The following HOOK3 variants were observed in gnomAD, a reference collection of about 807,000 sequenced individuals.
HOOK3 encodes the protein protein Hook homolog 3.
HOOK3 carries 24 observed loss-of-function variants against 116.3 expected under a neutral mutation model. That is an observed-to-expected ratio of 0.21 (90% CI 0.15 to 0.29). The LOEUF is 0.29. HOOK3 is among the 10% of genes least tolerant of loss of function. The pLI is 1.00. For synonymous variants in HOOK3, 275 were observed against 283.0 expected (o/e 0.97, Z 0.28); for missense variants, 632 against 830.2 (o/e 0.76, Z 2.93).
rs76343845 is a variant in HOOK3, at chr8:43,012,996, G to A, written c.1840-55G>A. ...AAAAATAGTCATTCTTTTCTTAAAC[G>A]TTACATTCTTTAAGTTTGAGACTTT... is the stretch of plus-strand genomic sequence containing the variant. On this transcript the variant is annotated intron_variant, in intron 19 of 21. Transcript: ENST00000307602. 3.9e-3 allele frequency: 4,027 copies of A among 1,026,534 alleles called. 13 individuals are homozygous for A. Among genetic ancestry groups the A allele is most frequent in the Non-Finnish European group, 5.2e-3 (3,603 of 692,986 alleles). The allele number at this position is 1,026,534 out of a possible 1,614,324, so 63.6% of individuals were successfully genotyped here.
chr8:42,977,436 A>C (rs1294331260), intron 13 of HOOK3, among the ~76,000 whole-genome samples: 1 of 152,204 alleles, frequency 6.6e-6, no homozygotes, highest in Non-Finnish European at 1.5e-5. Context: ...AAAAAGACCC[A>C]AAGCTCAATC....
intron 21 of HOOK3, among the ~76,000 whole-genome samples, chr8:43,016,036 T>A (rs1446967105): frequency 1.3e-5 from 2 of 151,772 alleles, no homozygotes; most frequent in African/African-American, 4.8e-5. Flanking sequence ...TATTCTGGAT[T>A]GATTTTTATG....
At chr8:42,914,099 T>C (rs1296587894) in intron 2 of HOOK3, among the ~76,000 whole-genome samples, 1 of 152,218 alleles carries the variant, frequency 6.6e-6, no homozygotes, top group African/African-American at 2.4e-5. Flanking sequence ...ACAGGCTTCA[T>C]ATACCAGGAA....
At position 42,897,080 on chromosome 8, in the gene HOOK3, C is replaced by T; in HGVS notation, c.-52C>T. On this transcript the variant is annotated 5_prime_UTR_variant, in exon 1 of 22. Transcript: ENST00000307602. ...CGGGCCCCCGGATCCCCCGACAGAG[C>T]GGCGGCGGTGTCTGGCCAGGCGGTA... is the stretch of plus-strand genomic sequence containing the variant. 4 of 1,219,650 alleles carry T rather than the reference C, an allele frequency of 3.3e-6. No homozygotes were observed. The highest frequency in any genetic ancestry group is 1.6e-5 in the African/African-American group (1 of 63,898). The allele number at this position is 1,219,650 out of a possible 1,614,324, so 75.6% of individuals were successfully genotyped here.
chr8:42,929,526 T>A (rs969264173), intron 3 of HOOK3, among the ~76,000 whole-genome samples: 7 of 152,186 alleles, frequency 4.6e-5, no homozygotes, highest in Non-Finnish European at 7.4e-5. Context: ...AGAAAAAAAT[T>A]ATAGTTTACA....
intron 17 of HOOK3, among the ~76,000 whole-genome samples, chr8:43,004,692 A>C (rs1036103664): frequency 3.3e-5 from 5 of 151,542 alleles, no homozygotes; most frequent in Non-Finnish European, 5.9e-5. Flanking sequence ...AAAAAAAAAA[A>C]AAAAAAAAAA....
chr8:43,010,979 G>T (rs1453407871), intron 19 of HOOK3, among the ~76,000 whole-genome samples: 1 of 151,962 alleles, frequency 6.6e-6, no homozygotes, highest in Non-Finnish European at 1.5e-5. Flanking sequence ...CCTGGACTGG[G>T]GGTTAAGGGG....
chr8:42,926,843 A>C (rs1228752892), intron 3 of HOOK3, among the ~76,000 whole-genome samples: 2 of 152,218 alleles, frequency 1.3e-5, no homozygotes, highest in African/African-American at 4.8e-5. Flanking sequence ...CCACAGTGAA[A>C]GACCCAGAAC....
intron 13 of HOOK3, among the ~76,000 whole-genome samples, chr8:42,980,569 T>A (rs778329069): frequency 1.3e-5 from 2 of 152,016 alleles, no homozygotes; most frequent in Non-Finnish European, 2.9e-5. Flanking sequence ...GTAATGGTCA[T>A]CATGGGAGTG....
intron 13 of HOOK3, among the ~76,000 whole-genome samples, chr8:42,976,633 C>T (rs1014850746): frequency 1.3e-5 from 2 of 152,156 alleles, no homozygotes; most frequent in Non-Finnish European, 2.9e-5. Flanking sequence ...CACAGTGGCT[C>T]ATGCCTGTAA....
chr8:43,007,780 G>C (rs933743044), intron 17 of HOOK3, 67 bp from the exon 18 acceptor site: 2 of 913,858 alleles, frequency 2.2e-6, no homozygotes, highest in South Asian at 2.2e-5. Flanking sequence ...AAGGAACTCA[G>C]ATCTTTAATT....
chr8:42,980,168 G>T (rs1808911960), intron 13 of HOOK3, among the ~76,000 whole-genome samples: 2 of 151,862 alleles, frequency 1.3e-5, no homozygotes, highest in Admixed American at 1.3e-4. Context: ...TGGCCAGCTG[G>T]TCTTGAACTC....
chr8:42,938,775 G>T (rs896605342), intron 4 of HOOK3, among the ~76,000 whole-genome samples: 1 of 151,628 alleles, frequency 6.6e-6, no homozygotes, highest in African/African-American at 2.4e-5. Context: ...GGGGGATTTG[G>T]CAGGGTCACA....
intron 21 of HOOK3, among the ~76,000 whole-genome samples, chr8:43,014,003 A>G (rs1319195695): frequency 6.6e-6 from 1 of 152,096 alleles, no homozygotes; most frequent in Non-Finnish European, 1.5e-5. Context: ...AAAAAATGTT[A>G]GTTGGCCAGG....
chr8:42,929,672 G>GT (rs1344721167), intron 3 of HOOK3, among the ~76,000 whole-genome samples: 1 of 151,976 alleles, frequency 6.6e-6, no homozygotes, highest in Non-Finnish European at 1.5e-5. Flanking sequence ...TACTTCATGG[G>GT]TTATTTTAAA....
Position 42,983,190 on chromosome 8 carries a change from C to T in HOOK3, c.1391+494C>T, listed in dbSNP as rs938812312. Reference sequence around the variant, plus strand: ...TCTACAAAAAATACAAAAAATTAGCCATGTGTGGTGGCGGGTGCCTGTAGT... The same window carrying T: ...TCTACAAAAAATACAAAAAATTAGCTATGTGTGGTGGCGGGTGCCTGTAGT... On this transcript the variant is annotated intron_variant, in intron 14 of 21. Coordinates refer to ENST00000307602, the MANE Select transcript of HOOK3 (RefSeq NM_032410.4). 3.3e-5 allele frequency among the ~76,000 whole-genome samples: 5 copies of T among 151,812 alleles called. No individual in the cohort carries two copies. In the East Asian group the frequency reaches 7.8e-4, roughly 24 times the overall value.
At chr8:42,964,787 A>G (rs1323550510) in intron 9 of HOOK3, among the ~76,000 whole-genome samples, 1 of 150,854 alleles carries the variant, frequency 6.6e-6, no homozygotes, top group Non-Finnish European at 1.5e-5. Context: ...AGATCGTGCC[A>G]CTGCACCCCA....
intron 4 of HOOK3, among the ~76,000 whole-genome samples, chr8:42,934,270 A>G (rs772868445): frequency 6.6e-6 from 1 of 151,854 alleles, no homozygotes; most frequent in Non-Finnish European, 1.5e-5. Flanking sequence ...CTGCTATCAC[A>G]TTTTTAATTT....
At chr8:43,008,497 T>A (rs1050141092) in intron 18 of HOOK3, among the ~76,000 whole-genome samples, 2 of 151,728 alleles carry the variant, frequency 1.3e-5, no homozygotes, top group African/African-American at 4.8e-5. Context: ...TTTATAATTT[T>A]TTGTAGAGAC....
Sources: gnomAD v4.1 joint callset for allele counts (sites outside exome capture counted in the v4.1 genomes callset) on GRCh38, gnomAD v4.1.1 for gene constraint, MANE v1.5 for transcripts, NCBI Gene and HGNC (gene_info 2026-07-23, HGNC 2026-07-21) for gene names.